Variants in JAKMIP1 observed in about 807,000 individuals in gnomAD.
JAKMIP1 encodes janus kinase and microtubule interacting protein 1.
In JAKMIP1, 33 loss-of-function variants were observed where a neutral mutation model predicts 113.0. The observed-to-expected ratio is 0.29, with a 90% CI of 0.22 to 0.39. JAKMIP1 has a LOEUF of 0.39. Ranked by LOEUF, JAKMIP1 falls within the 10% of genes least tolerant of loss-of-function variation. The pLI, the probability that JAKMIP1 is intolerant of heterozygous loss-of-function variation, is 1.00. For synonymous variants in JAKMIP1, 480 were observed against 459.9 expected (o/e 1.04, Z -0.56); for missense variants, 813 against 1,080.5 (o/e 0.75, Z 3.47).
chr4:6,124,091 C>T (rs996216293), intron 1 of JAKMIP1, among the ~76,000 whole-genome samples: 21 of 152,192 alleles, frequency 1.4e-4, no homozygotes, highest in African/African-American at 3.4e-4. Context: ...TAGTCACTTG[C>T]CCCAGCTCTG....
chr4:6,196,108 C>T (rs1727796056), intron 1 of JAKMIP1, among the ~76,000 whole-genome samples: 1 of 152,228 alleles, frequency 6.6e-6, no homozygotes, highest in Non-Finnish European at 1.5e-5. Flanking sequence ...ATGCCCCCGG[C>T]CCCACTGGGG....
Position 6,116,420 on chromosome 4 carries a change from C to T in JAKMIP1, c.-147-3423G>A, listed in dbSNP as rs956812422. On this transcript the variant is annotated intron_variant, in intron 1 of 20. Transcript: ENST00000409021. The surrounding 1 kb of genome is among the most constrained non-coding windows in gnomAD (Gnocchi z 5.1). ...AGGAAGGAGCACAGCACTGGCTCAG[C>T]GCCGCAGGCTGGAGGATGACTGCTC... Among the ~76,000 whole-genome samples the T allele has an allele frequency of 2.0e-5, 3 of 152,070 alleles. No homozygotes were observed. The highest frequency in any genetic ancestry group is 2.1e-4 in the South Asian group (1 of 4,824).
At chr4:6,175,201 C>G (rs1187434038) in intron 1 of JAKMIP1, among the ~76,000 whole-genome samples, 2 of 152,136 alleles carry the variant, frequency 1.3e-5, no homozygotes, top group Non-Finnish European at 2.9e-5. Context: ...TCTGGGCCCG[C>G]TGAGGCCCTG....
At chr4:6,121,461 A>G (rs1716703606) in intron 1 of JAKMIP1, among the ~76,000 whole-genome samples, 1 of 152,234 alleles carries the variant, frequency 6.6e-6, no homozygotes, top group Non-Finnish European at 1.5e-5. Context: ...GCCAGGCATC[A>G]GGAGGGCAAA....
rs1167904632 is a variant in JAKMIP1 at position 6,197,258 on chromosome 4, G to T, written c.-148+2995C>A. ...AACACAGTTCCACTGACCTAGCCTG[G>T]TCCCTCATACCTCTCAGCCCACCAC... On this transcript the variant is annotated intron_variant, in intron 1 of 20. Coordinates refer to ENST00000409021, the MANE Select transcript of JAKMIP1 (RefSeq NM_001099433.2). This position sits in a 1 kb window ranked among gnomAD's most constrained non-coding sequence, Gnocchi z 6.5. Among the ~76,000 whole-genome samples, 1 of 152,128 alleles carries T rather than the reference G, an allele frequency of 6.6e-6. No homozygotes were observed. The highest frequency in any genetic ancestry group is 6.5e-5 in the Admixed American group (1 of 15,272).
rs1726288049 is a variant in JAKMIP1, at chr4:6,183,491, A to AATAAATAAATAAATAAATAAATAC, written c.-148+16761_-148+16762insGTATTTATTTATTTATTTATTTAT. Among the ~76,000 whole-genome samples, 2 of 150,076 alleles carry AATAAATAAATAAATAAATAAATAC rather than the reference A, an allele frequency of 1.3e-5. No homozygotes were observed. Among genetic ancestry groups the AATAAATAAATAAATAAATAAATAC allele is most frequent in the South Asian group, 4.2e-4 (2 of 4,770 alleles). Reference sequence around the variant, plus strand: ...AAGACTCTGTCTCAATAAATAAATAAATAAATAAATAAATAAATTTAAAAA... The same window carrying AATAAATAAATAAATAAATAAATAC: ...AAGACTCTGTCTCAATAAATAAATAAATAAATAAATAAATAAATAAATACATAAATAAATAAATAAATTTAAAAA... On this transcript the variant is annotated intron_variant, in intron 1 of 20. Transcript: ENST00000409021. This position sits in a 1 kb window ranked among gnomAD's most constrained non-coding sequence, Gnocchi z 5.3.
At chr4:6,098,667 AG>A (rs1450075714) in intron 3 of JAKMIP1, among the ~76,000 whole-genome samples, 56 of 102,186 alleles carry the variant, frequency 5.5e-4, no homozygotes, top group African/African-American at 3.0e-3. Context: ...AGGAAGAAAG[AG>A]AGAGAAAGAA....
intron 16 of JAKMIP1, among the ~76,000 whole-genome samples, chr4:6,047,381 G>A (rs1715129010): frequency 6.6e-6 from 1 of 152,238 alleles, no homozygotes; most frequent in South Asian, 2.1e-4. Flanking sequence ...ACTGTTGGAG[G>A]AGCCTAGGCA....
rs1714482755 is a variant in JAKMIP1 at position 6,042,664 on chromosome 4, G to A, written c.2029-437C>T. On this transcript the variant is annotated intron_variant, in intron 16 of 20. Coordinates refer to ENST00000409021, the MANE Select transcript of JAKMIP1 (RefSeq NM_001099433.2). The surrounding 1 kb of genome is among the most constrained non-coding windows in gnomAD (Gnocchi z 5.2). ...TTTTGCAGGTAAAGACATGGAGGCTGAGTTAAGTAACTTGTCCAAGGTCAC... is the reference window on the plus strand; with the variant it reads ...TTTTGCAGGTAAAGACATGGAGGCTAAGTTAAGTAACTTGTCCAAGGTCAC... Among the ~76,000 whole-genome samples, 1 of 152,026 alleles carries A rather than the reference G, an allele frequency of 6.6e-6. No homozygotes were observed. Among genetic ancestry groups the A allele is most frequent in the Admixed American group, 6.5e-5 (1 of 15,268 alleles).
Position 6,150,298 on chromosome 4 carries a change from C to T in JAKMIP1, c.-147-37301G>A, listed in dbSNP as rs935275981. The T allele has an allele frequency of 1.3e-5, 2 of 152,228 alleles. No homozygotes were observed. Among genetic ancestry groups the T allele is most frequent in the South Asian group, 4.1e-4 (2 of 4,834 alleles). The allele number at this position is 152,228 out of a possible 1,614,324, so 9.4% of individuals were successfully genotyped here. A position where few individuals can be genotyped will look rare whatever the true frequency, so the allele number is the denominator to read the frequency against. On this transcript the variant is annotated intron_variant, in intron 1 of 20. Coordinates refer to ENST00000409021, the MANE Select transcript of JAKMIP1 (RefSeq NM_001099433.2). This position sits in a 1 kb window ranked among gnomAD's most constrained non-coding sequence, Gnocchi z 4.8. ...AGGTGCCAGCTTCCCTCCCACCCAA[C>T]CTCCCAGTACAGAGAAGGAGAAACA...
At chr4:6,151,169 T>C (rs769981017) in intron 1 of JAKMIP1, among the ~76,000 whole-genome samples, 24 of 152,134 alleles carry the variant, frequency 1.6e-4, no homozygotes, top group Non-Finnish European at 3.1e-4. Flanking sequence ...GCACCCTACA[T>C]GCCAAAAATG....
chr4:6,189,375 T>G (rs547111481), intron 1 of JAKMIP1, among the ~76,000 whole-genome samples: 24 of 152,230 alleles, frequency 1.6e-4, no homozygotes, highest in Non-Finnish European at 2.8e-4. Flanking sequence ...CCAAGCATTA[T>G]AGTATCTGAG....
In JAKMIP1 at chr4:6,108,310, C is replaced by CA. The variant is rs1714310310; in HGVS notation, c.130-2344dup. Among the ~76,000 whole-genome samples, 1 of 151,986 alleles carries CA rather than the reference C, an allele frequency of 6.6e-6. No homozygotes were observed. The highest frequency in any genetic ancestry group is 2.1e-4 in the South Asian group (1 of 4,812). On this transcript the variant is annotated intron_variant, in intron 2 of 20. Coordinates refer to ENST00000409021, the MANE Select transcript of JAKMIP1 (RefSeq NM_001099433.2). The surrounding 1 kb of genome is among the most constrained non-coding windows in gnomAD (Gnocchi z 5.6). The stretch of plus-strand genomic sequence containing the variant: ...CACCACTCCATCCAGCTGAGCAGGC[C>CA]AAAAAAAGCCGCCCAGCACTTTACC...
In JAKMIP1 at chr4:6,140,364, C is replaced by T. The variant is rs911598481; in HGVS notation, c.-147-27367G>A. On this transcript the variant is annotated intron_variant, in intron 1 of 20. Coordinates refer to ENST00000409021, the MANE Select transcript of JAKMIP1 (RefSeq NM_001099433.2). This position sits in a 1 kb window ranked among gnomAD's most constrained non-coding sequence, Gnocchi z 9.4. Reference sequence around the variant, plus strand: ...GATGGGCCGACCATAAATCCCCCCACGTGGCGAGGCTGGCTCAGCAGGAGC... The same window carrying T: ...GATGGGCCGACCATAAATCCCCCCATGTGGCGAGGCTGGCTCAGCAGGAGC... 4.6e-5 allele frequency among the ~76,000 whole-genome samples: 7 copies of T among 151,850 alleles called. No individual in the cohort carries two copies. Among genetic ancestry groups the T allele is most frequent in the Admixed American group, 2.0e-4 (3 of 15,250 alleles).
Position 6,081,557 on chromosome 4 carries a change from C to T in JAKMIP1, c.1101+52G>A. The T allele has an allele frequency of 1.9e-6, 3 of 1,606,756 alleles. No homozygotes were observed. The South Asian group carries it at 3.3e-5, about 18-fold the overall frequency. The stretch of plus-strand genomic sequence containing the variant: ...ATCGGGAGGTTCAGGGCTGAAGAAT[C>T]CCAGACAGAGAAGGGAGTGTCAGGG... On this transcript the variant is annotated intron_variant, in intron 6 of 20. Transcript: ENST00000409021. The surrounding 1 kb of genome is among the most constrained non-coding windows in gnomAD (Gnocchi z 4.6).
intron 1 of JAKMIP1, among the ~76,000 whole-genome samples, chr4:6,145,775 G>GGCTTGTA (rs1369200998): frequency 6.6e-6 from 1 of 152,098 alleles, no homozygotes; most frequent in African/African-American, 2.4e-5. Flanking sequence ...GATCCTCCTT[G>GGCTTGTA]GCTTGTAGAC....
chr4:6,163,827 T>C (rs1223042155), intron 1 of JAKMIP1, among the ~76,000 whole-genome samples: 3 of 152,154 alleles, frequency 2.0e-5, no homozygotes, highest in African/African-American at 7.2e-5. Context: ...GGGTAGAAGA[T>C]CAAACCAGTT....
chr4:6,147,600 C>A (rs769859983), intron 1 of JAKMIP1, among the ~76,000 whole-genome samples: 1 of 152,210 alleles, frequency 6.6e-6, no homozygotes, highest in Non-Finnish European at 1.5e-5. Flanking sequence ...CCAGCTCAAG[C>A]CTGCTGGCCA....
At position 6,197,959 on chromosome 4, in the gene JAKMIP1, C is replaced by G. The variant is rs1487563705; in HGVS notation, c.-148+2294G>C. Among the ~76,000 whole-genome samples, 2 of 152,236 alleles carry G rather than the reference C, an allele frequency of 1.3e-5. No homozygotes were observed. Among genetic ancestry groups the G allele is most frequent in the Non-Finnish European group, 2.9e-5 (2 of 68,046 alleles). On this transcript the variant is annotated intron_variant, in intron 1 of 20. Coordinates refer to ENST00000409021, the MANE Select transcript of JAKMIP1 (RefSeq NM_001099433.2). The surrounding 1 kb of genome is among the most constrained non-coding windows in gnomAD (Gnocchi z 6.5). ...CGGTCCTGCCACTTCCTCGTGCAGC[C>G]TTCCTGGCCGGGCCGCCTGTCCCCA...
Sources: gnomAD v4.1 joint callset for allele counts (sites outside exome capture counted in the v4.1 genomes callset) on GRCh38, gnomAD v4.1.1 for gene constraint, Gnocchi (gnomAD v3.1) non-coding constraint, MANE v1.5 for transcripts, NCBI Gene and HGNC (gene_info 2026-07-23, HGNC 2026-07-21) for gene names.